The following EXTL1 variants were observed in gnomAD, a reference collection of about 807,000 sequenced individuals.
EXTL1 encodes the protein exostosin like glycosyltransferase 1.
In EXTL1, 43 loss-of-function variants were observed where a neutral mutation model predicts 64.6. That is an observed-to-expected ratio of 0.67 (90% CI 0.52 to 0.86). The LOEUF (loss-of-function observed/expected upper bound fraction) is 0.86, where lower values mean the gene tolerates loss of function less well. EXTL1 is among the 40% of genes least tolerant of loss of function. EXTL1 has a pLI of 0.00. For synonymous variants in EXTL1, 352 were observed against 360.5 expected (o/e 0.98, Z 0.27); for missense variants, 766 against 879.0 (o/e 0.87, Z 1.62).
In EXTL1 at chr1:26,033,929, C is replaced by A; in HGVS notation, c.1679+73C>A. 2 of 1,437,302 alleles carry A rather than the reference C, an allele frequency of 1.4e-6. No individual in the cohort carries two copies. Among genetic ancestry groups the A allele is most frequent in the Admixed American group, 2.3e-5 (1 of 43,184 alleles). The allele number at this position is 1,437,302 out of a possible 1,614,324, so 89.0% of individuals were successfully genotyped here. A position where few individuals can be genotyped will look rare whatever the true frequency, so the allele number is the denominator to read the frequency against. ...GACCCCACCCCCACCCCGAACGGAG[C>A]AGAGTGGCCTAGACCCCAGGGATCC... On this transcript the variant is annotated intron_variant, in intron 9 of 10. Coordinates refer to ENST00000374280, the MANE Select transcript of EXTL1 (RefSeq NM_004455.3). This position sits in a 1 kb window ranked among gnomAD's most constrained non-coding sequence, Gnocchi z 5.1.
rs2050304397 is a variant in EXTL1, at chr1:26,033,014, A to C, written c.1432-215A>C. On this transcript the variant is annotated intron_variant, in intron 7 of 10. Transcript: ENST00000374280. This position sits in a 1 kb window ranked among gnomAD's most constrained non-coding sequence, Gnocchi z 5.1. ...AACTGCCCCATTTGACCAAAGGGGAAACTGAGATCCAAAGAGGTCAAATGA... is the reference window on the plus strand; with the variant it reads ...AACTGCCCCATTTGACCAAAGGGGACACTGAGATCCAAAGAGGTCAAATGA... Among the ~76,000 whole-genome samples the C allele has an allele frequency of 6.6e-6, 1 of 152,208 alleles. No homozygotes were observed. Among genetic ancestry groups the C allele is most frequent in the Admixed American group, 6.5e-5 (1 of 15,284 alleles).
In EXTL1 at chr1:26,034,811, C is replaced by G. The variant is rs771533287; in HGVS notation, c.1680-25C>G. The stretch of plus-strand genomic sequence containing the variant: ...CTGGGGATGGATTTGGCTGCAGCCT[C>G]TCCCTGTCTTTTCCTCTTGCCCAGG... On this transcript the variant is annotated intron_variant, in intron 9 of 10. Coordinates refer to ENST00000374280, the MANE Select transcript of EXTL1 (RefSeq NM_004455.3). The surrounding 1 kb of genome is among the most constrained non-coding windows in gnomAD (Gnocchi z 4.6). 1.0e-5 allele frequency: 16 copies of G among 1,606,734 alleles called. No individual in the cohort carries two copies. In the Admixed American group the frequency reaches 1.5e-4, roughly 15 times the overall value.
chr1:26,034,740 T>C lies in EXTL1; in HGVS notation c.1680-96T>C, dbSNP rs2050321385. 3 of 1,258,014 alleles carry C rather than the reference T, an allele frequency of 2.4e-6. No individual in the cohort carries two copies. The highest frequency in any genetic ancestry group is 2.0e-4 in the Middle Eastern group (1 of 4,904). The allele number at this position is 1,258,014 out of a possible 1,614,324, so 77.9% of individuals were successfully genotyped here. On this transcript the variant is annotated intron_variant, in intron 9 of 10. Transcript: ENST00000374280. This position sits in a 1 kb window ranked among gnomAD's most constrained non-coding sequence, Gnocchi z 4.6. ...CAGCCAGGGCTCAGAGGCTTGGGGA[T>C]GGGGGTCAAAGGGAGAGGTGAGGTC...
chr1:26,024,919 C>T (rs572124217), intron 1 of EXTL1, among the ~76,000 whole-genome samples: 1 of 152,360 alleles, frequency 6.6e-6, no homozygotes, highest in African/African-American at 2.4e-5. Flanking sequence ...GGGAGCTGCA[C>T]ACAGCAGGTA....
rs764138792 is a variant in EXTL1 at position 26,023,279 on chromosome 1, T to G, written c.633T>G (p.Ala211=). ...LPEAHPLRGG[A]PGQLRQHSPQ... is the part of the protein sequence containing the mutation. ...AAGCCCACCCGTTGCGAGGTGGGGCTCCTGGCCAGCTGCGGCAACACAGCC... is the reference window on the plus strand; with the variant it reads ...AAGCCCACCCGTTGCGAGGTGGGGCGCCTGGCCAGCTGCGGCAACACAGCC... The change falls in exon 1 of 11, where the codon GCT becomes GCG. Residue 211 remains alanine, a synonymous_variant. Transcript: ENST00000374280. 1 of 1,578,552 alleles carries G rather than the reference T, an allele frequency of 6.3e-7. No individual in the cohort carries two copies. The highest frequency in any genetic ancestry group is 1.2e-5 in the South Asian group (1 of 86,408).
At chr1:26,023,821 C>T (rs894073415) in intron 1 of EXTL1, among the ~76,000 whole-genome samples, 6 of 152,160 alleles carry the variant, frequency 3.9e-5, no homozygotes, top group Admixed American at 6.5e-5. Flanking sequence ...GTGTACCAGG[C>T]ACGAAAGCTC....
In EXTL1 at chr1:26,030,556, C is replaced by T. The variant is rs749142042; in HGVS notation, c.1062C>T (p.Tyr354=). The T allele has an allele frequency of 4.3e-6, 7 of 1,613,684 alleles. No homozygotes were observed. In the African/African-American group the frequency reaches 5.3e-5, roughly 12 times the overall value. ...AGACCCAGTTTCTATGGGATGCCTA[C>T]TTCTCCTCAGTGGAGAAGGTCATCC... The part of the protein sequence containing the change: ...RQQTQFLWDA[Y]FSSVEKVIHT... The change falls in exon 4 of 11, where the codon TAC becomes TAT. Residue 354 remains tyrosine (Y), a synonymous_variant. Transcript: ENST00000374280.
chr1:26,034,769 A>C lies in EXTL1; in HGVS notation c.1680-67A>C. The stretch of plus-strand genomic sequence containing the variant: ...GGTCAAAGGGAGAGGTGAGGTCAGG[A>C]GGGAGGAGAATGGGGCCTGGGGATG... On this transcript the variant is annotated intron_variant, in intron 9 of 10. Transcript: ENST00000374280. This position sits in a 1 kb window ranked among gnomAD's most constrained non-coding sequence, Gnocchi z 4.6. The C allele has an allele frequency of 6.6e-7, 1 of 1,517,640 alleles. No individual in the cohort carries two copies. The allele number at this position is 1,517,640 out of a possible 1,614,324, so 94.0% of individuals were successfully genotyped here.
intron 7 of EXTL1, 31 bp downstream of exon 7, chr1:26,032,516 G>A (rs1465047670): frequency 6.6e-7 from 1 of 1,521,922 alleles, no homozygotes; most frequent in Non-Finnish European, 8.9e-7. Context: ...TGAAAGGGGT[G>A]GGCCCATGCT....
rs2050318550 is a variant in EXTL1 at position 26,034,516 on chromosome 1, C to T, written c.1680-320C>T. Reference sequence around the variant, plus strand: ...GGTTCATCCACAACTGTTCTTTGGGCTTCCATGTTTGATGGCTTTGAAACC... The same window carrying T: ...GGTTCATCCACAACTGTTCTTTGGGTTTCCATGTTTGATGGCTTTGAAACC... On this transcript the variant is annotated intron_variant, in intron 9 of 10. Coordinates refer to ENST00000374280, the MANE Select transcript of EXTL1 (RefSeq NM_004455.3). The surrounding 1 kb of genome is among the most constrained non-coding windows in gnomAD (Gnocchi z 4.6). Among the ~76,000 whole-genome samples the T allele has an allele frequency of 6.6e-6, 1 of 152,200 alleles. No individual in the cohort carries two copies. Among genetic ancestry groups the T allele is most frequent in the South Asian group, 2.1e-4 (1 of 4,832 alleles).
chr1:26,025,239 A>C lies in EXTL1; in HGVS notation c.779+1814A>C, dbSNP rs979450388. Among the ~76,000 whole-genome samples, 22 of 152,320 alleles carry C rather than the reference A, an allele frequency of 1.4e-4. No homozygotes were observed. Among genetic ancestry groups the C allele is most frequent in the African/African-American group, 4.8e-4 (20 of 41,564 alleles). On this transcript the variant is annotated intron_variant, in intron 1 of 10. Transcript: ENST00000374280. The surrounding 1 kb of genome is among the most constrained non-coding windows in gnomAD (Gnocchi z 5.3). ...TGAATAAACAAGTCCTGGCCAGAGA[A>C]AGAGGCCATTCACAGTCCCTGCCAC... is the stretch of plus-strand genomic sequence containing the variant.
rs1294837659 is a variant in EXTL1 at position 26,035,107 on chromosome 1, C to T, written c.1849-58C>T. ...ATTCCAGTCTTTCTTGCTGCACGGG[C>T]GTGGGGAGTTCGGAAGGGCAGAGAA... On this transcript the variant is annotated intron_variant, in intron 10 of 10. Coordinates refer to ENST00000374280, the MANE Select transcript of EXTL1 (RefSeq NM_004455.3). This position sits in a 1 kb window ranked among gnomAD's most constrained non-coding sequence, Gnocchi z 5.3. 2 of 1,589,368 alleles carry T rather than the reference C, an allele frequency of 1.3e-6. No individual in the cohort carries two copies. The highest frequency in any genetic ancestry group is 4.5e-5 in the East Asian group (2 of 44,434).
intron 3 of EXTL1, among the ~76,000 whole-genome samples, chr1:26,030,188 A>G (rs2050266525): frequency 6.6e-6 from 1 of 152,190 alleles, no homozygotes; most frequent in African/African-American, 2.4e-5. Context: ...GAGGGGGTTA[A>G]TAGTAATTAC....
chr1:26,029,087 G>T lies in EXTL1; in HGVS notation c.780-106G>T. ...AGTGGGTTTACACATTTGGGAGTGT[G>T]GGTGTGGGGTGCAGGGGTGTGGGGT... On this transcript the variant is annotated intron_variant, in intron 1 of 10. Transcript: ENST00000374280. 2.9e-6 allele frequency: 2 copies of T among 697,800 alleles called. 1 individual carries two copies. Among genetic ancestry groups the T allele is most frequent in the South Asian group, 3.4e-5 (2 of 58,636 alleles). The allele number at this position is 697,800 out of a possible 1,614,324, so 43.2% of individuals were successfully genotyped here.
intron 1 of EXTL1, among the ~76,000 whole-genome samples, chr1:26,024,917 C>T (rs938016979): frequency 1.3e-5 from 2 of 152,242 alleles, no homozygotes; most frequent in Non-Finnish European, 2.9e-5. Flanking sequence ...TAGGGAGCTG[C>T]ACACAGCAGG....
Position 26,036,087 on chromosome 1 carries a change from C to G in EXTL1, c.*740C>G, listed in dbSNP as rs928405083. The G allele has an allele frequency of 1.3e-5, 2 of 152,658 alleles. No individual in the cohort carries two copies. Among genetic ancestry groups the G allele is most frequent in the Non-Finnish European group, 2.9e-5 (2 of 68,068 alleles). 9.5% of individuals were successfully genotyped at this position (152,658 alleles called of 1,614,324 possible). A position where few individuals can be genotyped will look rare whatever the true frequency, so the allele number is the denominator to read the frequency against. ...ACAAGTGGCCTGTCCCCGCACGGCC[C>G]GCGGCTCAGCCTCGGCCGTCTGCCC... On this transcript the variant is annotated 3_prime_UTR_variant, in exon 11 of 11. Transcript: ENST00000374280. This position sits in a 1 kb window ranked among gnomAD's most constrained non-coding sequence, Gnocchi z 5.2.
At position 26,029,584 on chromosome 1, in the gene EXTL1, C is replaced by T; in HGVS notation, c.874-16C>T. 6.6e-7 allele frequency: 1 copy of T among 1,524,286 alleles called. No individual in the cohort carries two copies. The highest frequency in any genetic ancestry group is 9.0e-7 in the Non-Finnish European group (1 of 1,108,576). 94.4% of individuals were successfully genotyped at this position (1,524,286 alleles called of 1,614,324 possible). A position where few individuals can be genotyped will look rare whatever the true frequency, so the allele number is the denominator to read the frequency against. The stretch of plus-strand genomic sequence containing the variant: ...AGGGTGGGGCTGGGCTCCCCAGTGA[C>T]CTCCCCGCCCCCCAGGCCGGCTGCA... On this transcript the variant is annotated splice_polypyrimidine_tract_variant and intron_variant, in intron 2 of 10. Coordinates refer to ENST00000374280, the MANE Select transcript of EXTL1 (RefSeq NM_004455.3).
chr1:26,022,674 C>T lies in EXTL1; in HGVS notation c.28C>T (p.Leu10=), dbSNP rs116631213. Residue 10 remains leucine, a synonymous_variant, in exon 1 of 11, where the codon CTG becomes TTG. Transcript: ENST00000374280. MQSWRRRKS[L]WLALSASWLL... ...GCAGTCGTGGAGGAGAAGAAAGTCCCTGTGGCTGGCACTGTCAGCCTCCTG... is the reference window on the plus strand; with the variant it reads ...GCAGTCGTGGAGGAGAAGAAAGTCCTTGTGGCTGGCACTGTCAGCCTCCTG... The T allele has an allele frequency of 1.4e-5, 23 of 1,608,430 alleles. 1 individual carries two copies. In the East Asian group the frequency reaches 4.9e-4, roughly 34 times the overall value.
At chr1:26,032,729 G>C (rs2050301316) in intron 7 of EXTL1, among the ~76,000 whole-genome samples, 1 of 152,318 alleles carries the variant, frequency 6.6e-6, no homozygotes, top group Admixed American at 6.5e-5. Context: ...TGACATCTCA[G>C]AAGAGGAACA....
Sources: allele counts gnomAD v4.1 joint callset (sites outside exome capture counted in the v4.1 genomes callset), GRCh38; gene constraint gnomAD v4.1.1; non-coding constraint Gnocchi (gnomAD v3.1); transcripts MANE v1.5; gene names NCBI Gene and HGNC (gene_info 2026-07-23, HGNC 2026-07-21).